The following AIM2 variants were observed in gnomAD, a reference collection of about 807,000 sequenced individuals.
The protein encoded by AIM2 is absent in melanoma 2, also known as interferon-inducible protein AIM2.
Under a neutral mutation model 27.7 loss-of-function variants are expected in AIM2, and 30 were observed. That is an observed-to-expected ratio of 1.08 (90% CI 0.81 to 1.47). AIM2 has a LOEUF of 1.47. AIM2 is among the 40% of genes most tolerant of loss of function. The pLI, the probability that AIM2 is intolerant of heterozygous loss-of-function variation, is 0.00. For missense variants in AIM2, 358 were observed against 411.3 expected (o/e 0.87, Z 1.12); for synonymous variants, 141 against 145.3 (o/e 0.97, Z 0.21).
chr1:159,094,300 T>A (rs758536818), intron 1 of AIM2, among the ~76,000 whole-genome samples: 6 of 152,198 alleles, frequency 3.9e-5, no homozygotes, highest in Non-Finnish European at 8.8e-5. Context: ...AATACTAATA[T>A]TTCATAAATT....
intron 1 of AIM2, among the ~76,000 whole-genome samples, chr1:159,136,231 C>T (rs1156903972): frequency 6.6e-6 from 1 of 152,186 alleles, no homozygotes; most frequent in African/African-American, 2.4e-5. Flanking sequence ...TAAAATCTCT[C>T]AAGTCCTCAC....
chr1:159,064,849 A>G (rs779619584), intron 4 of AIM2, among the ~76,000 whole-genome samples: 3 of 152,226 alleles, frequency 2.0e-5, no homozygotes, highest in Non-Finnish European at 4.4e-5. Flanking sequence ...GTAATCAAAG[A>G]CAAGAAACAA....
In AIM2 at chr1:159,062,617, G is replaced by T; in HGVS notation, c.*75C>A. The T allele has an allele frequency of 7.1e-7, 1 of 1,404,406 alleles. No individual in the cohort carries two copies. The highest frequency in any genetic ancestry group is 1.0e-6 in the Non-Finnish European group (1 of 996,520). The allele number at this position is 1,404,406 out of a possible 1,614,324, so 87.0% of individuals were successfully genotyped here. ...CTTTCAGGTAACTTACAATCTGATT[G>T]AAGAGGCTGTATCACATATTCTTCA... On this transcript the variant is annotated 3_prime_UTR_variant, in exon 6 of 6. Coordinates refer to ENST00000368130, the MANE Select transcript of AIM2 (RefSeq NM_004833.3).
At chr1:159,070,907 A>G (rs2101980854) in intron 2 of AIM2, among the ~76,000 whole-genome samples, 1 of 152,288 alleles carries the variant, frequency 6.6e-6, no homozygotes, top group South Asian at 2.1e-4. Flanking sequence ...GAATCAACCT[A>G]CCATTCTACC....
chr1:159,111,111 C>A (rs890253375), intron 1 of AIM2, among the ~76,000 whole-genome samples: 1 of 151,966 alleles, frequency 6.6e-6, no homozygotes, highest in Non-Finnish European at 1.5e-5. Context: ...ACAAAACCAC[C>A]CTAGTTAAAT....
chr1:159,086,481 T>C (rs75657667), intron 1 of AIM2, among the ~76,000 whole-genome samples: 8,093 of 152,292 alleles, frequency 0.053, 534 homozygotes, highest in East Asian at 0.31. Flanking sequence ...TCCAGGTGAA[T>C]CTGCACATAC....
At chr1:159,062,415 A>G (rs577045767), downstream of AIM2, 118 of 499,094 alleles carry the variant, frequency 2.4e-4, no homozygotes, top group Non-Finnish European at 3.7e-4. Context: ...AACATCATAT[A>G]ATACATTGAT....
downstream of AIM2, among the ~76,000 whole-genome samples, chr1:159,058,142 T>A (rs948330187): frequency 3.3e-5 from 5 of 152,088 alleles, no homozygotes; most frequent in African/African-American, 1.2e-4. Context: ...TCACTTGAGG[T>A]CAGGAGTTCG....
intron 1 of AIM2, chr1:159,132,495 C>A (rs1366737926): frequency 6.6e-6 from 1 of 152,162 alleles, no homozygotes; most frequent in African/African-American, 2.4e-5. Context: ...CGCCCTGAAC[C>A]AATGAATGTG....
At chr1:159,060,721 T>C (rs56208680), downstream of AIM2, among the ~76,000 whole-genome samples, 5,358 of 151,724 alleles carry the variant, frequency 0.035, 106 homozygotes, top group Non-Finnish European at 0.046. Flanking sequence ...TGGGTGTCAG[T>C]AGTTATTCTT....
At chr1:159,112,934 C>CATATATATATATAT (rs71659252) in intron 1 of AIM2, among the ~76,000 whole-genome samples, 6,339 of 146,180 alleles carry the variant, frequency 0.043, 444 homozygotes, top group African/African-American at 0.15. Flanking sequence ...TATATACATA[C>CATATATATATATAT]ATATATATAT....
At chr1:159,126,048 G>C (rs777897185) in intron 1 of AIM2, among the ~76,000 whole-genome samples, 1 of 152,188 alleles carries the variant, frequency 6.6e-6, no homozygotes, top group Non-Finnish European at 1.5e-5. Context: ...GGCCATTCTA[G>C]ACCCTCGAAA....
At chr1:159,092,196 T>C (rs1215779384) in intron 1 of AIM2, among the ~76,000 whole-genome samples, 1 of 152,100 alleles carries the variant, frequency 6.6e-6, no homozygotes, top group Non-Finnish European at 1.5e-5. Context: ...AACATGAAAA[T>C]ATTATCTGAA....
chr1:159,125,562 G>T (rs1482776548), intron 1 of AIM2, among the ~76,000 whole-genome samples: 1 of 152,196 alleles, frequency 6.6e-6, no homozygotes. Context: ...GAGAGAGAGA[G>T]AACAGATGAA....
At position 159,098,759 on chromosome 1, in the gene AIM2, T is replaced by C. The variant is rs535895164; in HGVS notation, c.-15-32430A>G. On this transcript the variant is annotated intron_variant, in intron 1 of 2. Coordinates refer to the AIM2 transcript ENST00000368129. ...GTTTAACAAACATCTTCTGAGCATGTGCCATACTCCATATGTACCATGTGC... is the reference window on the plus strand; with the variant it reads ...GTTTAACAAACATCTTCTGAGCATGCGCCATACTCCATATGTACCATGTGC... 2.0e-5 allele frequency among the ~76,000 whole-genome samples: 3 copies of C among 152,202 alleles called. No homozygotes were observed. In the South Asian group the frequency reaches 6.2e-4, roughly 31 times the overall value.
chr1:159,126,632 G>C (rs1228711686), intron 1 of AIM2, among the ~76,000 whole-genome samples: 2 of 137,044 alleles, frequency 1.5e-5, no homozygotes, highest in African/African-American at 5.4e-5. Context: ...CTGGGTGACA[G>C]AGCGAGACTA....
intron 1 of AIM2, among the ~76,000 whole-genome samples, chr1:159,093,470 C>T (rs1657094139): frequency 6.6e-6 from 1 of 152,098 alleles, no homozygotes; most frequent in Admixed American, 6.5e-5. Flanking sequence ...TTTGAAGACA[C>T]ATACATCTTA....
chr1:159,077,269 A>C (rs1018752785), upstream of AIM2, among the ~76,000 whole-genome samples: 2 of 152,208 alleles, frequency 1.3e-5, no homozygotes, highest in African/African-American at 4.8e-5. Flanking sequence ...AGCACAATGA[A>C]GGTATGGAGT....
intron 1 of AIM2, among the ~76,000 whole-genome samples, chr1:159,120,378 A>G (rs1271511094): frequency 6.6e-6 from 1 of 152,092 alleles, no homozygotes; most frequent in Non-Finnish European, 1.5e-5. Context: ...TTAGCCTTTA[A>G]TTAGGAAGAC....
Sources: gnomAD v4.1 joint callset for allele counts (sites outside exome capture counted in the v4.1 genomes callset) on GRCh38, gnomAD v4.1.1 for gene constraint, MANE v1.5 for transcripts, NCBI Gene and HGNC (gene_info 2026-07-23, HGNC 2026-07-21) for gene names.